IL6ST: variants seen among roughly 807,000 people sequenced by gnomAD.
IL6ST encodes the protein interleukin-6 receptor subunit beta.
In IL6ST, 24 loss-of-function variants were observed where a neutral mutation model predicts 91.3. That is an observed-to-expected ratio of 0.26 (90% CI 0.19 to 0.37). The LOEUF is 0.37. Among genes scored for constraint, IL6ST ranks in the 10% least tolerant of loss-of-function variants. The probability of loss-of-function intolerance (pLI) is 1.00; values close to 1 mark genes in which losing one functional copy is unlikely to be tolerated. For synonymous variants in IL6ST, 351 were observed against 373.6 expected (o/e 0.94, Z 0.70); for missense variants, 914 against 1,078.5 (o/e 0.85, Z 2.14).
chr5:55,942,237 A>T (rs2111592886), intron 16 of IL6ST, among the ~76,000 whole-genome samples: 1 of 152,362 alleles, frequency 6.6e-6, no homozygotes. Context: ...TTTGGGGCAT[A>T]TTTAAAATTC....
intron 11 of IL6ST, among the ~76,000 whole-genome samples, 172 bp from the exon 12 acceptor site, chr5:55,952,523 ACTGT>A (rs1241676146): frequency 2.6e-5 from 4 of 152,230 alleles, no homozygotes; most frequent in African/African-American, 7.2e-5. Context: ...ATCAGGTAAA[ACTGT>A]CTGTAAAAGT....
At chr5:55,989,193 CAT>C (rs1478463467) in intron 1 of IL6ST, among the ~76,000 whole-genome samples, 2 of 135,822 alleles carry the variant, frequency 1.5e-5, no homozygotes, top group African/African-American at 5.8e-5. Flanking sequence ...GTAAAGTAAA[CAT>C]AGCACTGATT....
In IL6ST at chr5:55,954,951, T is replaced by A. The variant is rs1414824815; in HGVS notation, c.1309A>T (p.Asn437Tyr). Residue 437 changes from asparagine to tyrosine, a missense_variant, in exon 11 of 17, where the codon AAC becomes TAC. Transcript: ENST00000381298. Reference protein sequence around the residue: ...VMDLKAFPKDNMLWVEWTTPR... With the variant: ...VMDLKAFPKDYMLWVEWTTPR... ...GTAGTCCATTCCACCCAAAGCATGT[T>A]ATCTTTGGGGAATGCTTTAAGATCC... 1 of 1,611,278 alleles carries A rather than the reference T, an allele frequency of 6.2e-7. No homozygotes were observed. Among genetic ancestry groups the A allele is most frequent in the South Asian group, 1.1e-5 (1 of 90,572 alleles).
intron 7 of IL6ST, among the ~76,000 whole-genome samples, chr5:55,961,185 A>G (rs113928672): frequency 1.6e-4 from 25 of 152,332 alleles, no homozygotes; most frequent in African/African-American, 4.6e-4. Flanking sequence ...GGAAACATCT[A>G]TTATCTTTCC....
At chr5:55,994,466 C>T (rs1754528585) in intron 1 of IL6ST, among the ~76,000 whole-genome samples, 1 of 151,924 alleles carries the variant, frequency 6.6e-6, no homozygotes, top group Admixed American at 6.6e-5. Context: ...TTGGGAAAAA[C>T]GTGGGATCTG....
chr5:55,986,029 C>T (rs140274624), intron 1 of IL6ST, among the ~76,000 whole-genome samples: 25 of 152,312 alleles, frequency 1.6e-4, no homozygotes, highest in African/African-American at 6.0e-4. Context: ...ACCACACTGT[C>T]GTGATGACTT....
At chr5:55,944,870 T>C in intron 15 of IL6ST, 1 of 574,256 alleles carries the variant, frequency 1.7e-6, no homozygotes, top group Admixed American at 2.2e-5. Flanking sequence ...TTCATCGCCC[T>C]CTGATCGCCG....
chr5:55,957,617 T>C (rs1396969720), intron 8 of IL6ST, among the ~76,000 whole-genome samples: 1 of 152,206 alleles, frequency 6.6e-6, no homozygotes, highest in African/African-American at 2.4e-5. Flanking sequence ...GCACTGTATT[T>C]ATCTACTTGA....
intron 3 of IL6ST, among the ~76,000 whole-genome samples, chr5:55,971,677 C>T (rs751436923): frequency 1.6e-4 from 25 of 152,104 alleles, no homozygotes; most frequent in Non-Finnish European, 3.4e-4. Flanking sequence ...TAAATATTAG[C>T]CAGGCATGGT....
At chr5:55,975,332 T>G (rs1454036151) in intron 3 of IL6ST, among the ~76,000 whole-genome samples, 1 of 152,148 alleles carries the variant, frequency 6.6e-6, no homozygotes, top group Non-Finnish European at 1.5e-5. Context: ...TCTCTCTCTC[T>G]TCCTCCTGTT....
intron 3 of IL6ST, among the ~76,000 whole-genome samples, chr5:55,972,362 A>C (rs1450647806): frequency 6.6e-6 from 1 of 152,056 alleles, no homozygotes; most frequent in Non-Finnish European, 1.5e-5. Context: ...AATACAAAAA[A>C]TTAGCCGGGC....
rs149501170 is a variant in IL6ST, at chr5:55,942,770, T to C, written c.1938-19A>G. ...TTTAATTCTGAAGAGAAAAGAAAAA[T>C]GGCCTATGTAAAACCACACATAATA... On this transcript the variant is annotated intron_variant, in intron 15 of 16. Coordinates refer to ENST00000381298, the MANE Select transcript of IL6ST (RefSeq NM_002184.4). The C allele has an allele frequency of 8.1e-5, 115 of 1,414,368 alleles. No individual in the cohort carries two copies. In the African/African-American group the frequency reaches 1.5e-3, roughly 18 times the overall value. The allele number at this position is 1,414,368 out of a possible 1,614,324, so 87.6% of individuals were successfully genotyped here. A position where few individuals can be genotyped will look rare whatever the true frequency, so the allele number is the denominator to read the frequency against.
chr5:55,992,201 G>A (rs1475371120), intron 1 of IL6ST, among the ~76,000 whole-genome samples: 1 of 152,156 alleles, frequency 6.6e-6, no homozygotes, highest in Non-Finnish European at 1.5e-5. Flanking sequence ...CACAGTAATT[G>A]TTTCACATAT....
In IL6ST at chr5:55,940,135, A is replaced by ATATGTGAGTG. The variant is rs370724076; in HGVS notation, c.*946_*947insCACTCACATA. The ATATGTGAGTG allele has an allele frequency of 6.4e-6, 1 of 156,942 alleles. No homozygotes were observed. The highest frequency in any genetic ancestry group is 1.2e-5 in the Non-Finnish European group (1 of 81,422). 9.7% of individuals were successfully genotyped at this position (156,942 alleles called of 1,614,324 possible). A position where few individuals can be genotyped will look rare whatever the true frequency, so the allele number is the denominator to read the frequency against. On this transcript the variant is annotated 3_prime_UTR_variant, in exon 17 of 17. Transcript: ENST00000381298. ...AGAAAAGTCAATGATATGTGTGTGT[A>ATATGTGAGTG]TATATATATATATATATACACACAT...
At chr5:55,947,700 A>AAAAT (rs1751362888) in intron 14 of IL6ST, 111 bp from the exon 15 acceptor site, 1 of 636,880 alleles carries the variant, frequency 1.6e-6, no homozygotes, top group Non-Finnish European at 2.7e-6. Context: ...TTGAAAAGAT[A>AAAAT]AAATACAATC....
intron 6 of IL6ST, 63 bp downstream of exon 6, chr5:55,964,083 A>G (rs1752493961): frequency 3.8e-6 from 3 of 783,916 alleles, no homozygotes; most frequent in Admixed American, 3.0e-5. Context: ...AAATATAAAA[A>G]CTACTTTAAT....
chr5:55,955,444 CAA>C (rs1751896339), intron 10 of IL6ST, among the ~76,000 whole-genome samples: 1 of 150,858 alleles, frequency 6.6e-6, no homozygotes, highest in Non-Finnish European at 1.5e-5. Context: ...AAGACTGTCT[CAA>C]AAAGAAAAAA....
chr5:55,967,577 G>C (rs755656314), intron 5 of IL6ST, among the ~76,000 whole-genome samples: 4 of 152,024 alleles, frequency 2.6e-5, no homozygotes, highest in African/African-American at 9.6e-5. Flanking sequence ...ATATCTGAGT[G>C]TAACAGTGGT....
At chr5:55,959,521 C>A in intron 8 of IL6ST, 1 of 422,630 alleles carries the variant, frequency 2.4e-6, no homozygotes, top group South Asian at 2.4e-5. Context: ...ACATCAGATG[C>A]TTTGCAGTGA....
Sources: gnomAD v4.1 joint callset for allele counts (sites outside exome capture counted in the v4.1 genomes callset) on GRCh38, gnomAD v4.1.1 for gene constraint, MANE v1.5 for transcripts, NCBI Gene and HGNC (gene_info 2026-07-23, HGNC 2026-07-21) for gene names.